Variants in MAP3K7 observed in about 807,000 individuals in gnomAD.
The protein encoded by MAP3K7 is mitogen-activated protein kinase kinase kinase 7, also known as TGF-beta activated kinase 1.
A neutral mutation model predicts 84.8 loss-of-function variants in MAP3K7; 21 were observed. The observed-to-expected ratio is 0.25, with a 90% confidence interval of 0.18 to 0.36. The LOEUF is 0.36. Ranked by LOEUF, MAP3K7 falls within the 10% of genes least tolerant of loss-of-function variation. MAP3K7 has a pLI of 1.00. For synonymous variants in MAP3K7, 241 were observed against 247.7 expected (o/e 0.97, Z 0.25); for missense variants, 503 against 747.7 (o/e 0.67, Z 3.82).
intron 1 of MAP3K7, among the ~76,000 whole-genome samples, chr6:90,576,748 C>A (rs1043028208): frequency 6.6e-6 from 1 of 152,090 alleles, no homozygotes; most frequent in African/African-American, 2.4e-5. Context: ...CAATTTTAGA[C>A]AAGGTAATCA....
At position 90,548,077 on chromosome 6, in the gene MAP3K7, T is replaced by C. The variant is rs1275338791; in HGVS notation, c.1050A>G (p.Ser350=). 1.2e-6 allele frequency: 2 copies of C among 1,611,342 alleles called. No individual in the cohort carries two copies. The highest frequency in any genetic ancestry group is 1.7e-4 in the Middle Eastern group (1 of 6,032). The change falls in exon 10 of 17, where the codon TCA becomes TCG. Residue 350 remains serine, a synonymous_variant. Transcript: ENST00000369329. The part of the protein sequence containing the change: ...ATNDTIKRLE[S]KLLKNQAKQQ... ...GCTTTGCCTGATTTTTCAACAATTTTGATTCTAAGCGCTTAATAGTATCAT... is the reference window on the plus strand; with the variant it reads ...GCTTTGCCTGATTTTTCAACAATTTCGATTCTAAGCGCTTAATAGTATCAT...
At chr6:90,520,380 T>G (rs1489290664) in intron 14 of MAP3K7, among the ~76,000 whole-genome samples, 3 of 152,008 alleles carry the variant, frequency 2.0e-5, no homozygotes, top group Non-Finnish European at 4.4e-5. Context: ...AGGTGTTTTT[T>G]TTTCTTTTTG....
intron 1 of MAP3K7, among the ~76,000 whole-genome samples, chr6:90,585,482 G>C (rs1175327927): frequency 6.6e-6 from 1 of 152,050 alleles, no homozygotes; most frequent in African/African-American, 2.4e-5. Context: ...TATTTCACTA[G>C]GTTTTTCATG....
intron 3 of MAP3K7, among the ~76,000 whole-genome samples, chr6:90,567,166 G>A (rs971973857): frequency 1.3e-5 from 2 of 151,484 alleles, no homozygotes; most frequent in Non-Finnish European, 2.9e-5. Context: ...AGGACTTCAG[G>A]ACTAAAACAC....
At chr6:90,566,483 T>C (rs1441773697) in intron 3 of MAP3K7, among the ~76,000 whole-genome samples, 1 of 151,902 alleles carries the variant, frequency 6.6e-6, no homozygotes, top group African/African-American at 2.4e-5. Context: ...GAGAATAAAA[T>C]ACCTAGGAAT....
chr6:90,567,945 G>C (rs1582227823), intron 3 of MAP3K7, among the ~76,000 whole-genome samples: 1 of 152,238 alleles, frequency 6.6e-6, no homozygotes, highest in Non-Finnish European at 1.5e-5. Flanking sequence ...CCATTATTCT[G>C]AGCAAACTAT....
intron 12 of MAP3K7, among the ~76,000 whole-genome samples, chr6:90,542,699 A>T (rs184020292): frequency 1.3e-5 from 2 of 152,140 alleles, no homozygotes; most frequent in Admixed American, 6.6e-5. Flanking sequence ...AACAGCTATA[A>T]TTTCATCCGA....
At chr6:90,579,891 C>T (rs1308265589) in intron 1 of MAP3K7, among the ~76,000 whole-genome samples, 1 of 152,082 alleles carries the variant, frequency 6.6e-6, no homozygotes, top group Non-Finnish European at 1.5e-5. Context: ...TTGTGGACAC[C>T]ACCGCTCCAA....
chr6:90,532,039 A>G (rs976075937), intron 13 of MAP3K7, among the ~76,000 whole-genome samples: 8 of 152,294 alleles, frequency 5.3e-5, no homozygotes, highest in East Asian at 3.9e-4. Flanking sequence ...AAACTATTAC[A>G]TAAGTTTCTG....
intron 3 of MAP3K7, among the ~76,000 whole-genome samples, chr6:90,564,679 A>C (rs544066828): frequency 6.6e-6 from 1 of 152,332 alleles, no homozygotes; most frequent in African/African-American, 2.4e-5. Context: ...AAAGTTAACA[A>C]GGATATCCAC....
At chr6:90,584,275 G>A (rs1582252680) in intron 1 of MAP3K7, among the ~76,000 whole-genome samples, 1 of 152,104 alleles carries the variant, frequency 6.6e-6, no homozygotes, top group African/African-American at 2.4e-5. Context: ...GTTCACCCTG[G>A]ATTGTGTAAC....
rs140933748 is a variant in MAP3K7 at position 90,531,592 on chromosome 6, G to A, written c.1356+4745C>T. ...CTTGATCTATTTTGGCTTCACTACAGTTTTTCATAAGGAAATTTCAGAATT... is the reference window on the plus strand; with the variant it reads ...CTTGATCTATTTTGGCTTCACTACAATTTTTCATAAGGAAATTTCAGAATT... On this transcript the variant is annotated intron_variant, in intron 13 of 16. Transcript: ENST00000369329. Among the ~76,000 whole-genome samples, 775 of 152,234 alleles carry A rather than the reference G, an allele frequency of 5.1e-3. 5 individuals are homozygous for A. Among genetic ancestry groups the A allele is most frequent in the Admixed American group, 0.01 (159 of 15,276 alleles).
intron 5 of MAP3K7, among the ~76,000 whole-genome samples, chr6:90,559,643 C>T (rs1255486080): frequency 6.6e-6 from 1 of 152,032 alleles, no homozygotes; most frequent in Non-Finnish European, 1.5e-5. Flanking sequence ...CAAGAAATGC[C>T]CTTTTACTTT....
chr6:90,540,200 T>C (rs181872508), intron 12 of MAP3K7, among the ~76,000 whole-genome samples: 42 of 151,988 alleles, frequency 2.8e-4, no homozygotes, highest in Admixed American at 6.6e-4. Context: ...AAGAACAGTA[T>C]GTAAGACAGA....
chr6:90,561,857 T>TC (rs1776527752), intron 3 of MAP3K7, among the ~76,000 whole-genome samples, 190 bp from the exon 4 acceptor site: 1 of 152,016 alleles, frequency 6.6e-6, no homozygotes, highest in Non-Finnish European at 1.5e-5. Flanking sequence ...CTTCTAGGAG[T>TC]CCACTAACAG....
In MAP3K7 at chr6:90,515,996, T is replaced by TC. The variant is rs1012157752; in HGVS notation, c.*504dup. 7 of 160,828 alleles carry TC rather than the reference T, an allele frequency of 4.4e-5. No individual in the cohort carries two copies. Among genetic ancestry groups the TC allele is most frequent in the Admixed American group, 6.3e-5 (1 of 15,820 alleles). The allele number at this position is 160,828 out of a possible 1,614,324, so 10.0% of individuals were successfully genotyped here. On this transcript the variant is annotated 3_prime_UTR_variant, in exon 17 of 17. Transcript: ENST00000369329. ...CTTACACGGAACTATCCCTAAAGGT[T>TC]CCGTATTTCCGTAATATACCACCAA...
rs1051683370 is a variant in MAP3K7 at position 90,537,869 on chromosome 6, C to T, written c.1292-1468G>A. Among the ~76,000 whole-genome samples the T allele has an allele frequency of 5.3e-5, 8 of 152,000 alleles. No homozygotes were observed. In the East Asian group the frequency reaches 7.7e-4, roughly 15 times the overall value. On this transcript the variant is annotated intron_variant, in intron 12 of 16. Transcript: ENST00000369329. The stretch of plus-strand genomic sequence containing the variant: ...CTAAAATTAGCGGTGATGAGACAGG[C>T]TTGTAAAAGTGTCTGGAATTCTCTT...
intron 3 of MAP3K7, among the ~76,000 whole-genome samples, chr6:90,562,222 G>A (rs1289410405): frequency 6.6e-6 from 1 of 152,206 alleles, no homozygotes; most frequent in African/African-American, 2.4e-5. Flanking sequence ...TCTCACTGGG[G>A]CTTGTCAGAC....
intron 1 of MAP3K7, among the ~76,000 whole-genome samples, chr6:90,574,522 A>T (rs373226143): frequency 2.6e-5 from 4 of 152,232 alleles, no homozygotes; most frequent in East Asian, 1.9e-4. Flanking sequence ...ACCAGACTTT[A>T]CCTATTGATA....
Sources: gnomAD v4.1 joint callset for allele counts (sites outside exome capture counted in the v4.1 genomes callset) on GRCh38, gnomAD v4.1.1 for gene constraint, MANE v1.5 for transcripts, NCBI Gene and HGNC (gene_info 2026-07-23, HGNC 2026-07-21) for gene names.